Variants in PDHX observed in about 807,000 individuals in gnomAD.
PDHX encodes the protein pyruvate dehydrogenase protein X component, mitochondrial.
Under a neutral mutation model 55.3 loss-of-function variants are expected in PDHX, and 33 were observed. The observed-to-expected ratio is 0.60, with a 90% CI of 0.45 to 0.80. The LOEUF is 0.80. PDHX is among the 30% of genes least tolerant of loss of function. The pLI, the probability that PDHX is intolerant of heterozygous loss-of-function variation, is 0.00. For synonymous variants in PDHX, 226 were observed against 219.4 expected, an observed-to-expected ratio of 1.03 and a Z score of -0.27; for missense variants, 622 against 619.9, an observed-to-expected ratio of 1.00 and a Z score of -0.04.
At chr11:34,976,963 G>A (rs776593916) in intron 7 of PDHX, among the ~76,000 whole-genome samples, 2 of 152,000 alleles carry the variant, frequency 1.3e-5, no homozygotes, top group Non-Finnish European at 2.9e-5. Context: ...CTTTCTATGT[G>A]GTTATCATTA....
At chr11:34,982,871 T>G (rs1441250975) in intron 8 of PDHX, among the ~76,000 whole-genome samples, 1 of 152,206 alleles carries the variant, frequency 6.6e-6, no homozygotes, top group Non-Finnish European at 1.5e-5. Flanking sequence ...CCATTCCTTC[T>G]GAAACTATTC....
chr11:34,990,438 C>T (rs1465049020), intron 9 of PDHX, among the ~76,000 whole-genome samples: 1 of 152,084 alleles, frequency 6.6e-6, no homozygotes, highest in Admixed American at 6.6e-5. Flanking sequence ...CAGGAATTTC[C>T]TGTTGATGTA....
At chr11:34,969,700 G>T (rs1381570582) in intron 6 of PDHX, among the ~76,000 whole-genome samples, 1 of 151,980 alleles carries the variant, frequency 6.6e-6, no homozygotes, top group Admixed American at 6.6e-5. Context: ...GATGGTGTAT[G>T]TCTATGTCTG....
At chr11:34,921,447 T>TGACG (rs371644073) in intron 1 of PDHX, among the ~76,000 whole-genome samples, 3,423 of 152,012 alleles carry the variant, frequency 0.023, 72 homozygotes, top group South Asian at 0.077. Flanking sequence ...ATAGAGAAAC[T>TGACG]GACCCAAAGT....
At chr11:34,988,248 C>T (rs969025019) in intron 9 of PDHX, among the ~76,000 whole-genome samples, 12 of 152,060 alleles carry the variant, frequency 7.9e-5, no homozygotes, top group Non-Finnish European at 1.3e-4. Flanking sequence ...ATAATAGCAG[C>T]GGGCATACTT....
chr11:34,990,177 G>A (rs1855728699), intron 9 of PDHX, among the ~76,000 whole-genome samples: 1 of 152,144 alleles, frequency 6.6e-6, no homozygotes. Flanking sequence ...ACTTATAACA[G>A]TATTAAAAGG....
chr11:34,974,155 T>G (rs1014092107), intron 7 of PDHX, among the ~76,000 whole-genome samples: 2 of 152,226 alleles, frequency 1.3e-5, no homozygotes, highest in Non-Finnish European at 2.9e-5. Flanking sequence ...AAATGGAAAC[T>G]CTGTATACTC....
At chr11:34,992,223 G>A (rs1201521550) in intron 9 of PDHX, 92 bp from the exon 10 acceptor site, 1 of 738,352 alleles carries the variant, frequency 1.4e-6, no homozygotes, top group Admixed American at 1.9e-5. Context: ...GCATATCAGA[G>A]ATGAGAGTAT....
rs190658436 is a variant in PDHX, at chr11:34,923,925, G to T, written c.160+7110G>T. Among the ~76,000 whole-genome samples, 62 of 152,300 alleles carry T rather than the reference G, an allele frequency of 4.1e-4. 2 individuals are homozygous for T. In the East Asian group the frequency reaches 5.8e-3, roughly 14 times the overall value. The stretch of plus-strand genomic sequence containing the variant: ...AAGTATGAAATGTAGTTAGAATAGA[G>T]ATCAAGAATTAGTGTACTTTAGTCA... On this transcript the variant is annotated intron_variant, in intron 1 of 10. Transcript: ENST00000227868.
At chr11:34,931,617 ATGT>A (rs1450708343) in intron 2 of PDHX, 133 bp downstream of exon 2, 2 of 643,858 alleles carry the variant, frequency 3.1e-6, no homozygotes, top group Non-Finnish European at 5.6e-6. Context: ...TTGGTAGTTA[ATGT>A]AAGTTTGGTT....
chr11:34,961,077 T>C (rs1044344709), intron 5 of PDHX, among the ~76,000 whole-genome samples: 2 of 152,240 alleles, frequency 1.3e-5, no homozygotes, highest in South Asian at 2.1e-4. Context: ...ATAGCTTTGC[T>C]CTTTTTTTAA....
At chr11:34,989,658 T>C (rs1429244412) in intron 9 of PDHX, among the ~76,000 whole-genome samples, 1 of 152,202 alleles carries the variant, frequency 6.6e-6, no homozygotes, top group African/African-American at 2.4e-5. Context: ...GCTGGCTTTT[T>C]TTCATCATTG....
intron 5 of PDHX, among the ~76,000 whole-genome samples, chr11:34,965,675 C>G (rs574243604): frequency 2.4e-4 from 37 of 152,282 alleles, no homozygotes; most frequent in African/African-American, 8.4e-4. Flanking sequence ...AGAATTCTTC[C>G]TACCATGTTG....
intron 6 of PDHX, among the ~76,000 whole-genome samples, chr11:34,969,267 A>T (rs887699022): frequency 6.6e-6 from 1 of 152,022 alleles, no homozygotes; most frequent in Non-Finnish European, 1.5e-5. Context: ...GTGTCACTTC[A>T]TCATAAGTCA....
chr11:34,978,934 A>G (rs1229387268), intron 8 of PDHX, among the ~76,000 whole-genome samples: 1 of 152,124 alleles, frequency 6.6e-6, no homozygotes, highest in East Asian at 1.9e-4. Context: ...AACGAAAAGG[A>G]GAGGCTGCCC....
intron 8 of PDHX, among the ~76,000 whole-genome samples, chr11:34,980,666 G>C (rs1292288128): frequency 6.6e-6 from 1 of 151,996 alleles, no homozygotes; most frequent in African/African-American, 2.4e-5. Context: ...ACTCAGCCTT[G>C]AAAGATGGAA....
intron 8 of PDHX, among the ~76,000 whole-genome samples, chr11:34,983,196 A>C (rs927656025): frequency 1.1e-4 from 16 of 152,222 alleles, no homozygotes; most frequent in South Asian, 2.1e-4. Context: ...CAGTAGATGC[A>C]GAAAAGGCCT....
upstream of PDHX, chr11:34,916,301 C>A (rs1853691874): frequency 6.2e-7 from 1 of 1,611,230 alleles, no homozygotes; most frequent in South Asian, 1.1e-5. Flanking sequence ...GACCAGGGAC[C>A]CGCGCGGCCT....
At chr11:34,970,100 C>A in intron 6 of PDHX, 39 bp from the exon 7 acceptor site, 1 of 1,590,496 alleles carries the variant, frequency 6.3e-7, no homozygotes, top group Non-Finnish European at 8.6e-7. Flanking sequence ...TTTTCTATTC[C>A]ACTTGTGGTT....
Sources: gnomAD v4.1 joint callset for allele counts (sites outside exome capture counted in the v4.1 genomes callset) on GRCh38, gnomAD v4.1.1 for gene constraint, MANE v1.5 for transcripts, NCBI Gene and HGNC (gene_info 2026-07-23, HGNC 2026-07-21) for gene names.